Variants in PADI6 observed in about 807,000 individuals in gnomAD.
PADI6 encodes peptidyl arginine deiminase 6, also known as inactive protein-arginine deiminase type-6.
PADI6 carries 66 observed loss-of-function variants against 78.2 expected under a neutral mutation model. The observed-to-expected ratio is 0.84, with a 90% CI of 0.69 to 1.04. The LOEUF is 1.04. Ranked by LOEUF, PADI6 falls within the 50% of genes least tolerant of loss-of-function variation. PADI6 has a pLI of 0.00. For synonymous variants in PADI6, 397 were observed against 346.9 expected (o/e 1.14, Z -1.60); for missense variants, 854 against 866.1 (o/e 0.99, Z 0.18).
At chr1:17,394,802 G>A in intron 11 of PADI6, 149 bp from the exon 12 acceptor site, 1 of 951,252 alleles carries the variant, frequency 1.1e-6, no homozygotes, top group Non-Finnish European at 1.5e-6. Context: ...TCAGAGTAAG[G>A]GATTCGTAAC....
Position 17,401,634 on chromosome 1 carries a change from A to C in PADI6, c.*196A>C. On this transcript the variant is annotated 3_prime_UTR_variant, in exon 16 of 16. Coordinates refer to ENST00000619609, the MANE Select transcript of PADI6 (RefSeq NM_207421.4). Reference sequence around the variant, plus strand: ...CAGCTTGAACCCCTATGGGGAAAAGATGCAAAAGTGTTCAGCCAAGTGACG... The same window carrying C: ...CAGCTTGAACCCCTATGGGGAAAAGCTGCAAAAGTGTTCAGCCAAGTGACG... 1.7e-6 allele frequency: 1 copy of C among 595,708 alleles called. No individual in the cohort carries two copies. The highest frequency in any genetic ancestry group is 3.0e-6 in the Non-Finnish European group (1 of 337,844). 36.9% of individuals were successfully genotyped at this position (595,708 alleles called of 1,614,324 possible). A position where few individuals can be genotyped will look rare whatever the true frequency, so the allele number is the denominator to read the frequency against.
In PADI6 at chr1:17,395,111, T is replaced by C. The variant is rs1199558632; in HGVS notation, c.1494+4T>C. ...TGACAAGAATGAGGGCAAAAAGGTCTGCTTTGGGGTCTGGAGAAGGGACAT... is the reference window on the plus strand; with the variant it reads ...TGACAAGAATGAGGGCAAAAAGGTCCGCTTTGGGGTCTGGAGAAGGGACAT... On this transcript the variant is annotated splice_donor_region_variant and intron_variant, in intron 12 of 15. Coordinates refer to ENST00000619609, the MANE Select transcript of PADI6 (RefSeq NM_207421.4). 6.2e-7 allele frequency: 1 copy of C among 1,613,176 alleles called. No individual in the cohort carries two copies. Among genetic ancestry groups the C allele is most frequent in the Non-Finnish European group, 8.5e-7 (1 of 1,179,392 alleles).
intron 6 of PADI6, 97 bp downstream of exon 6, chr1:17,382,189 T>TGGG: frequency 6.9e-7 from 1 of 1,448,864 alleles, no homozygotes; most frequent in Admixed American, 2.1e-5. Context: ...AGCAGAAGCC[T>TGGG]GCTGGAGACC....
chr1:17,394,167 G>GGA, intron 10 of PADI6, 85 bp downstream of exon 10: 1 of 1,546,632 alleles, frequency 6.5e-7, no homozygotes, highest in African/African-American at 1.4e-5. Context: ...CACCAAGTGG[G>GGA]GAGAGGGCCC....
intron 13 of PADI6, among the ~76,000 whole-genome samples, chr1:17,396,578 G>C (rs1397591433): frequency 1.3e-5 from 2 of 152,166 alleles, no homozygotes; most frequent in Non-Finnish European, 2.9e-5. Flanking sequence ...CCTGGTCATA[G>C]AAGCACCATG....
intron 5 of PADI6, 135 bp from the exon 6 acceptor site, chr1:17,381,832 G>C: frequency 9.9e-7 from 1 of 1,006,024 alleles, no homozygotes; most frequent in Non-Finnish European, 1.5e-6. Flanking sequence ...AATTCTTCGG[G>C]CCTGGGCCCT....
intron 2 of PADI6, among the ~76,000 whole-genome samples, chr1:17,375,097 C>G (rs562398827): frequency 6.6e-6 from 1 of 152,276 alleles, no homozygotes; most frequent in South Asian, 2.1e-4. Context: ...AGCTTGGGCT[C>G]TAGAGCCAGG....
chr1:17,373,503 A>AT (rs201367226), intron 2 of PADI6, among the ~76,000 whole-genome samples: 65 of 112,688 alleles, frequency 5.8e-4, no homozygotes, highest in Admixed American at 2.9e-3. Context: ...ATTTATTATT[A>AT]TTTTTTTTTT....
rs956262492 is a variant in PADI6, at chr1:17,375,458, A to G, written c.326A>G (p.Asp109Gly). ...GTCACATACTATGGGCCCAACGAGG[A>G]TGCCCCCGTGGGCACAGCTGTGCTG... ...VSVTYYGPNE[D>G]APVGTAVLYL... The change falls in exon 3 of 16, where the codon GAT becomes GGT. Residue 109 changes from aspartate (D) to glycine (G), a missense_variant. Physicochemically the swap from Asp to Gly is moderately conservative, Grantham distance 94. Coordinates refer to ENST00000619609, the MANE Select transcript of PADI6 (RefSeq NM_207421.4). 3 of 1,611,254 alleles carry G rather than the reference A, an allele frequency of 1.9e-6. No individual in the cohort carries two copies. Among genetic ancestry groups the G allele is most frequent in the African/African-American group, 2.7e-5 (2 of 74,830 alleles).
At chr1:17,377,298 C>CT (rs2075028704) in intron 3 of PADI6, among the ~76,000 whole-genome samples, 1 of 152,100 alleles carries the variant, frequency 6.6e-6, no homozygotes, top group African/African-American at 2.4e-5. Context: ...TCAATCCCCT[C>CT]TTAACACACT....
intron 12 of PADI6, 88 bp from the exon 13 acceptor site, chr1:17,395,452 C>T (rs970915187): frequency 8.0e-5 from 118 of 1,477,770 alleles, no homozygotes; most frequent in Non-Finnish European, 9.9e-5. Context: ...GATCTGCCTG[C>T]CTCGGCCTCC....
intron 15 of PADI6, 142 bp from the exon 16 acceptor site, chr1:17,401,063 A>G (rs886325818): frequency 1.2e-5 from 8 of 690,636 alleles, no homozygotes; most frequent in African/African-American, 5.4e-5. Flanking sequence ...AGGGCTAAGC[A>G]AAAGTGAGCT....
intron 8 of PADI6, among the ~76,000 whole-genome samples, chr1:17,389,620 A>G (rs532440627): frequency 2.6e-5 from 4 of 152,350 alleles, no homozygotes; most frequent in Non-Finnish European, 5.9e-5. Context: ...GTCCGGCTTC[A>G]GGGAATCCAG....
Position 17,384,898 on chromosome 1 carries a change from A to G in PADI6, c.679+2806A>G, listed in dbSNP as rs141549121. Among the ~76,000 whole-genome samples the G allele has an allele frequency of 1.7e-3, 259 of 152,350 alleles. 2 individuals are homozygous for G. The highest frequency in any genetic ancestry group is 5.8e-3 in the African/African-American group (242 of 41,582). ...GCCACAGAAAGAATTCTCTCTCCGT[A>G]AAGGGAGATGTGTGGTGGTAATTAC... On this transcript the variant is annotated intron_variant, in intron 6 of 15. Transcript: ENST00000619609.
chr1:17,378,148 T>C (rs764452519), intron 3 of PADI6, among the ~76,000 whole-genome samples: 1 of 152,176 alleles, frequency 6.6e-6, no homozygotes, highest in Non-Finnish European at 1.5e-5. Context: ...AAATGTAAAC[T>C]TGGGCTCCCT....
Position 17,373,185 on chromosome 1 carries a change from C to T in PADI6, c.246C>T (p.Tyr82=), listed in dbSNP as rs368261523. 3.1e-5 allele frequency: 50 copies of T among 1,613,968 alleles called. No homozygotes were observed. Among genetic ancestry groups the T allele is most frequent in the Non-Finnish European group, 3.5e-5 (41 of 1,179,870 alleles). ...TIWWPLSDPT[Y]ATVKMTSPSP... Reference sequence around the variant, plus strand: ...GGTGGCCCCTGTCTGATCCCACGTACGCCACAGTGAAGATGACATCGCCCA... The same window carrying T: ...GGTGGCCCCTGTCTGATCCCACGTATGCCACAGTGAAGATGACATCGCCCA... The change falls in exon 2 of 16, where the codon TAC becomes TAT. Residue 82 remains tyrosine, a synonymous_variant. Transcript: ENST00000619609.
Position 17,375,415 on chromosome 1 carries a change from C to T in PADI6, c.295-12C>T. ...CAACACTGCCTATGGTTTCGGGATG[C>T]TGTCTCCACAGGTCTCGGTCACATA... On this transcript the variant is annotated splice_polypyrimidine_tract_variant and intron_variant, in intron 2 of 15. Coordinates refer to ENST00000619609, the MANE Select transcript of PADI6 (RefSeq NM_207421.4). The T allele has an allele frequency of 6.2e-7, 1 of 1,608,372 alleles. No homozygotes were observed. The highest frequency in any genetic ancestry group is 8.5e-7 in the Non-Finnish European group (1 of 1,177,162).
At chr1:17,387,458 AGG>A (rs71014946) in intron 6 of PADI6, among the ~76,000 whole-genome samples, 1 of 138,292 alleles carries the variant, frequency 7.2e-6, no homozygotes, top group Non-Finnish European at 1.6e-5. Flanking sequence ...AAAGAAAAGG[AGG>A]GGGGGGGGCC....
In PADI6 at chr1:17,395,046, C is replaced by T; in HGVS notation, c.1433C>T (p.Thr478Ile). 6.2e-7 allele frequency: 1 copy of T among 1,614,000 alleles called. No individual in the cohort carries two copies. The highest frequency in any genetic ancestry group is 8.5e-7 in the Non-Finnish European group (1 of 1,179,930). ...PVELYSDWLMTGHVDEFMCFI... is the reference protein window; with the variant it reads ...PVELYSDWLMIGHVDEFMCFI... ...GAGCTCTACTCAGATTGGCTAATGA[C>T]TGGCCACGTGGATGAGTTCATGTGC... Residue 478 changes from threonine to isoleucine, a missense_variant, in exon 12 of 16, where the codon ACT becomes ATT. By Grantham distance (89) the Thr-to-Ile change is moderately conservative (BLOSUM62 -1). Transcript: ENST00000619609.
Sources: gnomAD v4.1 joint callset for allele counts (sites outside exome capture counted in the v4.1 genomes callset) on GRCh38, gnomAD v4.1.1 for gene constraint, MANE v1.5 for transcripts, NCBI Gene and HGNC (gene_info 2026-07-23, HGNC 2026-07-21) for gene names.